Variants in TRPS1 observed in about 807,000 individuals in gnomAD.
TRPS1 encodes the protein transcriptional repressor GATA binding 1.
In TRPS1, 6 loss-of-function variants were observed where a neutral mutation model predicts 101.2. The ratio of observed to expected loss-of-function variants is 0.06; its 90% CI spans 0.03 to 0.12. TRPS1 has a LOEUF of 0.12. Among genes scored for constraint, TRPS1 ranks in the 10% least tolerant of loss-of-function variants. The pLI, the probability that TRPS1 is intolerant of heterozygous loss-of-function variation, is 1.00. For synonymous variants in TRPS1, 578 were observed against 589.8 expected (o/e 0.98, Z 0.29); for missense variants, 1,363 against 1,567.0 (o/e 0.87, Z 2.20).
chr8:115,653,701 G>T (rs527631844), intron 1 of TRPS1, among the ~76,000 whole-genome samples: 47 of 152,192 alleles, frequency 3.1e-4, no homozygotes, highest in Non-Finnish European at 5.6e-4. Flanking sequence ...AAAAGACAAG[G>T]CTGCCTTCTG....
intron 1 of TRPS1, among the ~76,000 whole-genome samples, chr8:115,628,022 G>A (rs1818549174): frequency 6.6e-6 from 1 of 151,796 alleles, no homozygotes; most frequent in African/African-American, 2.4e-5. Context: ...ATTAAAACCA[G>A]ATGTTATGAA....
intron 5 of TRPS1, among the ~76,000 whole-genome samples, chr8:115,444,977 C>T (rs921497095): frequency 5.9e-5 from 9 of 152,094 alleles, no homozygotes; most frequent in African/African-American, 1.7e-4. Flanking sequence ...ATCATGTCTT[C>T]GTTTATAACT....
chr8:115,466,556 G>A (rs575650126), intron 5 of TRPS1, among the ~76,000 whole-genome samples: 18 of 152,014 alleles, frequency 1.2e-4, no homozygotes, highest in Non-Finnish European at 2.2e-4. Context: ...AGCTTATGTC[G>A]AAGGAAACTT....
At position 115,414,485 on chromosome 8, in the gene TRPS1, C is replaced by T; in HGVS notation, c.3423G>A (p.Leu1141=). ...KLSVPGNPHY[L]SHVPGLPNPC... is the part of the protein sequence containing the mutation. Reference sequence around the variant, plus strand: ...GATTTGGTAGGCCAGGCACGTGACTCAAGTAGTGCGGATTCCCAGGAACGG... The same window carrying T: ...GATTTGGTAGGCCAGGCACGTGACTTAAGTAGTGCGGATTCCCAGGAACGG... Residue 1141 remains leucine, a synonymous_variant, in exon 7 of 7, where the codon TTG becomes TTA. Coordinates refer to ENST00000395715, the MANE Select transcript of TRPS1 (RefSeq NM_014112.5). This position sits in a 1 kb window ranked among gnomAD's most constrained non-coding sequence, Gnocchi z 4.8. 1 of 1,613,910 alleles carries T rather than the reference C, an allele frequency of 6.2e-7. No individual in the cohort carries two copies. Among genetic ancestry groups the T allele is most frequent in the African/African-American group, 1.3e-5 (1 of 75,016 alleles).
intron 5 of TRPS1, among the ~76,000 whole-genome samples, chr8:115,446,602 C>T (rs1358954738): frequency 6.6e-6 from 1 of 152,186 alleles, no homozygotes; most frequent in Non-Finnish European, 1.5e-5. Context: ...TTTCTGATCA[C>T]TTGTATTTTT....
intron 1 of TRPS1, among the ~76,000 whole-genome samples, chr8:115,634,334 A>AAAGCATGAAT (rs1382973075): frequency 6.6e-6 from 1 of 152,186 alleles, no homozygotes; most frequent in African/African-American, 2.4e-5. Flanking sequence ...TCTAGAAGTC[A>AAAGCATGAAT]AAGCATGAAT....
intron 5 of TRPS1, among the ~76,000 whole-genome samples, chr8:115,521,500 A>G (rs897724825): frequency 1.3e-4 from 20 of 151,808 alleles, no homozygotes; most frequent in African/African-American, 4.8e-4. Flanking sequence ...TTCTGTGTTT[A>G]TTTAATTTAG....
intron 4 of TRPS1, among the ~76,000 whole-genome samples, chr8:115,596,808 G>A (rs1458875963): frequency 6.6e-6 from 1 of 151,706 alleles, no homozygotes. Context: ...GCATGCATAT[G>A]ATATTCATAT....
intron 5 of TRPS1, among the ~76,000 whole-genome samples, chr8:115,461,282 T>G (rs1293226910): frequency 8.4e-6 from 1 of 119,062 alleles, no homozygotes; most frequent in Non-Finnish European, 2.0e-5. Flanking sequence ...GATAGATAGA[T>G]AGATAGATAG....
At chr8:115,663,991 C>T (rs2130635333) in intron 1 of TRPS1, among the ~76,000 whole-genome samples, 1 of 152,056 alleles carries the variant, frequency 6.6e-6, no homozygotes, top group Middle Eastern at 3.4e-3. Flanking sequence ...AACAACTGAG[C>T]ACTGTGATAG....
At chr8:115,443,696 T>C (rs974781735) in intron 5 of TRPS1, among the ~76,000 whole-genome samples, 1 of 152,152 alleles carries the variant, frequency 6.6e-6, no homozygotes, top group African/African-American at 2.4e-5. Flanking sequence ...GACATCCACC[T>C]AGCAGGCTGG....
At chr8:115,647,210 G>T (rs1489727069) in intron 1 of TRPS1, among the ~76,000 whole-genome samples, 1 of 152,042 alleles carries the variant, frequency 6.6e-6, no homozygotes, top group Non-Finnish European at 1.5e-5. Flanking sequence ...AATATCTCTT[G>T]TGGAAAAATT....
chr8:115,667,792 C>A, intron 1 of TRPS1: 3 of 1,509,028 alleles, frequency 2.0e-6, no homozygotes, highest in Non-Finnish European at 2.7e-6. Flanking sequence ...AAAGGCAGTC[C>A]TGTGCTGTTT....
chr8:115,572,500 A>G lies in TRPS1; in HGVS notation c.2700+14501T>C, dbSNP rs539408931. Among the ~76,000 whole-genome samples, 10 of 150,718 alleles carry G rather than the reference A, an allele frequency of 6.6e-5. No individual in the cohort carries two copies. The East Asian group carries it at 2.0e-3, about 30-fold the overall frequency. On this transcript the variant is annotated intron_variant, in intron 5 of 6. Coordinates refer to ENST00000395715, the MANE Select transcript of TRPS1 (RefSeq NM_014112.5). The stretch of plus-strand genomic sequence containing the variant: ...TTTTTCTCACTCTGTGGTACCTGAC[A>G]CTCTTTTTTTCTTGTGCTGTAATCG...
intron 5 of TRPS1, among the ~76,000 whole-genome samples, chr8:115,474,063 G>T (rs921964100): frequency 6.6e-6 from 1 of 152,122 alleles, no homozygotes; most frequent in Non-Finnish European, 1.5e-5. Context: ...GAAGACTCTA[G>T]GTTTAGATGA....
chr8:115,631,658 G>T (rs1001740984), intron 1 of TRPS1, among the ~76,000 whole-genome samples: 1 of 148,062 alleles, frequency 6.8e-6, no homozygotes, highest in Non-Finnish European at 1.5e-5. Context: ...TGGATGGATG[G>T]ATGGATGGAT....
chr8:115,603,256 T>C lies in TRPS1; in HGVS notation c.2096+617A>G, dbSNP rs957656125. ...GAAAACACAAACTTCCCACATCCAT[T>C]TAAGAATCTGGAATAACTCAAGCAG... On this transcript the variant is annotated intron_variant, in intron 4 of 6. Coordinates refer to ENST00000395715, the MANE Select transcript of TRPS1 (RefSeq NM_014112.5). 2.0e-5 allele frequency among the ~76,000 whole-genome samples: 3 copies of C among 152,138 alleles called. No individual in the cohort carries two copies. The East Asian group carries it at 5.8e-4, about 29-fold the overall frequency.
At chr8:115,546,889 G>A (rs1358207682) in intron 5 of TRPS1, among the ~76,000 whole-genome samples, 1 of 152,122 alleles carries the variant, frequency 6.6e-6, no homozygotes, top group Non-Finnish European at 1.5e-5. Flanking sequence ...GTACGGACAA[G>A]AGGCAATTAT....
chr8:115,629,964 T>A (rs923408914), intron 1 of TRPS1, among the ~76,000 whole-genome samples: 6 of 151,894 alleles, frequency 4.0e-5, no homozygotes, highest in African/African-American at 1.4e-4. Context: ...CCCATAGCTT[T>A]ACAGGCTTTT....
Sources: allele counts gnomAD v4.1 joint callset (sites outside exome capture counted in the v4.1 genomes callset), GRCh38; gene constraint gnomAD v4.1.1; non-coding constraint Gnocchi (gnomAD v3.1); transcripts MANE v1.5; gene names NCBI Gene and HGNC (gene_info 2026-07-23, HGNC 2026-07-21).